The following MB21D2 variants were observed in gnomAD, a reference collection of about 807,000 sequenced individuals.
MB21D2 encodes the protein nucleotidyltransferase MB21D2.
Under a neutral mutation model 33.3 loss-of-function variants are expected in MB21D2, and 9 were observed. That is an observed-to-expected ratio of 0.27 (90% CI 0.16 to 0.47). MB21D2 has a LOEUF of 0.47. Ranked by LOEUF, MB21D2 falls within the 20% of genes least tolerant of loss-of-function variation. The pLI, the probability that MB21D2 is intolerant of heterozygous loss-of-function variation, is 0.99. For missense variants in MB21D2, 540 were observed against 624.6 expected, an observed-to-expected ratio of 0.86 and a Z score of 1.44; for synonymous variants, 241 against 236.3, an observed-to-expected ratio of 1.02 and a Z score of -0.18.
intron 1 of MB21D2, among the ~76,000 whole-genome samples, chr3:192,871,580 G>C (rs6775217): frequency 0.39 from 59,754 of 151,966 alleles, 12,342 homozygotes; most frequent in East Asian, 0.72. Context: ...CGTTTGCAGA[G>C]TCAGGGAAGA....
chr3:192,914,322 C>T (rs977430758), intron 1 of MB21D2, among the ~76,000 whole-genome samples: 4 of 152,088 alleles, frequency 2.6e-5, no homozygotes, highest in African/African-American at 7.2e-5. Flanking sequence ...GATTAACTAC[C>T]GTAAAAATCA....
chr3:192,798,703 G>A lies in MB21D2; in HGVS notation c.1159C>T (p.His387Tyr). Residue 387 changes from histidine to tyrosine, a missense_variant, in exon 2 of 2, where the codon CAT becomes TAT. Coordinates refer to ENST00000392452, the MANE Select transcript of MB21D2 (RefSeq NM_178496.4). This position sits in a 1 kb window ranked among gnomAD's most constrained non-coding sequence, Gnocchi z 4.8. ...YFIPQCNMLE[H>Y]LSEETVMLHA... is the part of the protein sequence containing the mutation. ...AGCATGACTGTCTCCTCAGACAGATGTTCCAGCATGTTGCACTGAGGGATG... is the reference window on the plus strand; with the variant it reads ...AGCATGACTGTCTCCTCAGACAGATATTCCAGCATGTTGCACTGAGGGATG... 1.2e-6 allele frequency: 2 copies of A among 1,613,328 alleles called. No homozygotes were observed. The highest frequency in any genetic ancestry group is 1.7e-6 in the Non-Finnish European group (2 of 1,180,026).
At chr3:192,847,870 G>A (rs921983615) in intron 1 of MB21D2, among the ~76,000 whole-genome samples, 3 of 152,006 alleles carry the variant, frequency 2.0e-5, no homozygotes, top group Admixed American at 2.0e-4. Context: ...AGATGAGAAG[G>A]ACAGGTTAAA....
intron 1 of MB21D2, among the ~76,000 whole-genome samples, chr3:192,868,419 A>T (rs187868382): frequency 1.7e-3 from 259 of 152,386 alleles, no homozygotes; most frequent in African/African-American, 6.0e-3. Context: ...GACTAGTGAC[A>T]TCATTTGACT....
chr3:192,830,724 T>C (rs937451653), intron 1 of MB21D2, among the ~76,000 whole-genome samples: 3 of 152,226 alleles, frequency 2.0e-5, no homozygotes, highest in African/African-American at 7.2e-5. Context: ...ACTCAACGTG[T>C]TGTTCATGGC....
At chr3:192,813,036 G>A (rs544412547) in intron 1 of MB21D2, among the ~76,000 whole-genome samples, 8 of 152,186 alleles carry the variant, frequency 5.3e-5, no homozygotes, top group Admixed American at 2.0e-4. Context: ...GCTGATCAAC[G>A]GGCTAAAATG....
At chr3:192,803,545 G>A (rs986288448) in intron 1 of MB21D2, among the ~76,000 whole-genome samples, 13 of 152,090 alleles carry the variant, frequency 8.5e-5, no homozygotes, top group Non-Finnish European at 1.9e-4. Flanking sequence ...AAACGATATG[G>A]TAACAGAACT....
In MB21D2 at chr3:192,797,667, T is replaced by C. The variant is rs1720551184; in HGVS notation, c.*719A>G. 6.6e-6 allele frequency: 1 copy of C among 152,632 alleles called. No homozygotes were observed. The highest frequency in any genetic ancestry group is 2.1e-4 in the South Asian group (1 of 4,834). The allele number at this position is 152,632 out of a possible 1,614,324, so 9.5% of individuals were successfully genotyped here. A position where few individuals can be genotyped will look rare whatever the true frequency, so the allele number is the denominator to read the frequency against. On this transcript the variant is annotated 3_prime_UTR_variant, in exon 2 of 2. Transcript: ENST00000392452. Reference sequence around the variant, plus strand: ...GGTATGTTCTTTAATAGGATTTAAATAAGGCTTCAAATAATTACATATGCT... The same window carrying C: ...GGTATGTTCTTTAATAGGATTTAAACAAGGCTTCAAATAATTACATATGCT...
intron 1 of MB21D2, among the ~76,000 whole-genome samples, chr3:192,827,593 T>C (rs1017892297): frequency 9.2e-5 from 14 of 152,088 alleles, no homozygotes; most frequent in African/African-American, 3.1e-4. Flanking sequence ...AGAAGTTAAG[T>C]GGCTACTCAG....
At chr3:192,893,570 C>T (rs1314296712) in intron 1 of MB21D2, among the ~76,000 whole-genome samples, 1 of 152,192 alleles carries the variant, frequency 6.6e-6, no homozygotes, top group African/African-American at 2.4e-5. Context: ...GGGAAAACAT[C>T]GCATTTCCTC....
intron 1 of MB21D2, among the ~76,000 whole-genome samples, chr3:192,871,412 T>C (rs918246354): frequency 1.3e-5 from 2 of 152,182 alleles, no homozygotes; most frequent in Non-Finnish European, 2.9e-5. Context: ...CATTTACTGT[T>C]TACCCGACAC....
intron 1 of MB21D2, among the ~76,000 whole-genome samples, chr3:192,896,727 A>C (rs1713981915): frequency 6.6e-6 from 1 of 152,210 alleles, no homozygotes; most frequent in Non-Finnish European, 1.5e-5. Flanking sequence ...GCAACACCAA[A>C]ATAATTACCA....
chr3:192,874,210 A>G (rs2108639426), intron 1 of MB21D2, among the ~76,000 whole-genome samples: 1 of 152,292 alleles, frequency 6.6e-6, no homozygotes, highest in Admixed American at 6.5e-5. Flanking sequence ...TACTGTGTAA[A>G]AACTTACTGG....
At chr3:192,879,853 G>A (rs1048819007) in intron 1 of MB21D2, among the ~76,000 whole-genome samples, 2 of 152,112 alleles carry the variant, frequency 1.3e-5, no homozygotes, top group Non-Finnish European at 2.9e-5. Flanking sequence ...GTCAGCTTCA[G>A]CACCTTGCCC....
At chr3:192,830,784 C>T (rs185798701) in intron 1 of MB21D2, among the ~76,000 whole-genome samples, 96 of 152,296 alleles carry the variant, frequency 6.3e-4, no homozygotes, top group Admixed American at 2.5e-3. Flanking sequence ...TCTCAGCCTG[C>T]ATTTGGGACC....
intron 1 of MB21D2, among the ~76,000 whole-genome samples, chr3:192,808,854 C>G (rs1711723102): frequency 6.6e-6 from 1 of 152,236 alleles, no homozygotes; most frequent in Non-Finnish European, 1.5e-5. Context: ...CTGCTGCTGT[C>G]ACATCCTCCA....
chr3:192,822,921 G>A (rs1020084203), intron 1 of MB21D2, among the ~76,000 whole-genome samples: 1 of 152,172 alleles, frequency 6.6e-6, no homozygotes, highest in Non-Finnish European at 1.5e-5. Flanking sequence ...CAGAGGTGAT[G>A]AGATCACCTG....
intron 1 of MB21D2, among the ~76,000 whole-genome samples, chr3:192,864,317 T>TA (rs1230086120): frequency 6.6e-6 from 1 of 152,162 alleles, no homozygotes. Context: ...CCCCAGTTTG[T>TA]GTGTGAACTG....
intron 1 of MB21D2, among the ~76,000 whole-genome samples, chr3:192,805,658 C>A (rs919113872): frequency 6.6e-6 from 1 of 152,162 alleles, no homozygotes; most frequent in Non-Finnish European, 1.5e-5. Context: ...GGATCCTGGG[C>A]TTGTCATTTA....
Sources: allele counts gnomAD v4.1 joint callset (sites outside exome capture counted in the v4.1 genomes callset), GRCh38; gene constraint gnomAD v4.1.1; non-coding constraint Gnocchi (gnomAD v3.1); transcripts MANE v1.5; gene names NCBI Gene and HGNC (gene_info 2026-07-23, HGNC 2026-07-21).